The following SEZ6L variants were observed in gnomAD, a reference collection of about 807,000 sequenced individuals.
The protein encoded by SEZ6L is seizure related 6 homolog like.
SEZ6L carries 37 observed loss-of-function variants against 106.2 expected under a neutral mutation model. The observed-to-expected ratio is 0.35, with a 90% CI of 0.27 to 0.46. The LOEUF (loss-of-function observed/expected upper bound fraction) is 0.46, where lower values mean the gene tolerates loss of function less well. Ranked by LOEUF, SEZ6L falls within the 20% of genes least tolerant of loss-of-function variation. The pLI is 1.00. For missense variants in SEZ6L, 1,172 were observed against 1,332.8 expected, an observed-to-expected ratio of 0.88 and a Z score of 1.88; for synonymous variants, 541 against 570.4, an observed-to-expected ratio of 0.95 and a Z score of 0.73.
intron 13 of SEZ6L, among the ~76,000 whole-genome samples, chr22:26,367,719 GGGTTA>G (rs2083869250): frequency 6.6e-6 from 1 of 152,090 alleles, no homozygotes; most frequent in Non-Finnish European, 1.5e-5. Context: ...TAGTTCCCAT[GGGTTA>G]GGAGTGTTCC....
At chr22:26,275,230 A>T (rs1322056622) in intron 1 of SEZ6L, among the ~76,000 whole-genome samples, 1 of 152,180 alleles carries the variant, frequency 6.6e-6, no homozygotes, top group Non-Finnish European at 1.5e-5. Flanking sequence ...CAAAAGAGAT[A>T]CGTATTCAGT....
At chr22:26,188,614 T>C (rs1039939594) in intron 1 of SEZ6L, among the ~76,000 whole-genome samples, 2 of 152,238 alleles carry the variant, frequency 1.3e-5, no homozygotes, top group African/African-American at 2.4e-5. Context: ...TCCCATGTAC[T>C]GAGCGGGTAC....
intron 10 of SEZ6L, among the ~76,000 whole-genome samples, chr22:26,344,546 G>C (rs147619684): frequency 7.2e-5 from 11 of 152,328 alleles, no homozygotes; most frequent in Admixed American, 5.2e-4. Flanking sequence ...TGCTTGATTA[G>C]AGATGTCTGC....
chr22:26,298,387 A>G (rs1467140698), intron 4 of SEZ6L, among the ~76,000 whole-genome samples: 2 of 152,150 alleles, frequency 1.3e-5, no homozygotes, highest in Non-Finnish European at 2.9e-5. Context: ...CCATCTACTG[A>G]CTGCGAAGGA....
chr22:26,259,595 C>A (rs1181612975), intron 1 of SEZ6L, among the ~76,000 whole-genome samples: 1 of 152,194 alleles, frequency 6.6e-6, no homozygotes, highest in Non-Finnish European at 1.5e-5. Context: ...GGAGACTCAA[C>A]TTAGAGAGAT....
rs527870845 is a variant in SEZ6L, at chr22:26,328,542, G to A, written c.2016-11894G>A. Among the ~76,000 whole-genome samples the A allele has an allele frequency of 1.8e-3, 272 of 152,258 alleles. 2 individuals carry two copies. Among genetic ancestry groups the A allele is most frequent in the African/African-American group, 6.3e-3 (263 of 41,516 alleles). ...GACAGCCGTCTTTGTAGGCAAAGCA[G>A]CCGGGGAGCTGTTGGGTTTTCCTGG... On this transcript the variant is annotated intron_variant, in intron 9 of 16. Transcript: ENST00000248933.
intron 9 of SEZ6L, among the ~76,000 whole-genome samples, chr22:26,318,636 A>C (rs935302303): frequency 7.2e-5 from 11 of 152,166 alleles, no homozygotes; most frequent in African/African-American, 2.7e-4. Context: ...TAATCCCATG[A>C]AGTAGTTGCA....
chr22:26,303,608 A>G (rs936103885), intron 5 of SEZ6L, among the ~76,000 whole-genome samples: 1 of 152,224 alleles, frequency 6.6e-6, no homozygotes, highest in African/African-American at 2.4e-5. Context: ...GAAGTGGCGT[A>G]ATACCTTTGA....
chr22:26,179,219 T>A (rs922832488), intron 1 of SEZ6L, among the ~76,000 whole-genome samples: 4 of 152,078 alleles, frequency 2.6e-5, no homozygotes, highest in African/African-American at 9.7e-5. Flanking sequence ...CAAAACCCCA[T>A]CTGTACAAAA....
chr22:26,225,265 T>G (rs1042378519), intron 1 of SEZ6L, among the ~76,000 whole-genome samples: 18 of 152,204 alleles, frequency 1.2e-4, no homozygotes, highest in Admixed American at 2.6e-4. Context: ...TCATCACTGG[T>G]CAGGAAGCCA....
At chr22:26,258,901 G>C (rs1399619114) in intron 1 of SEZ6L, among the ~76,000 whole-genome samples, 2 of 152,184 alleles carry the variant, frequency 1.3e-5, no homozygotes, top group African/African-American at 4.8e-5. Context: ...GGTCCTATTA[G>C]AATTTTAGAA....
chr22:26,314,496 A>G (rs1488981019), intron 9 of SEZ6L, among the ~76,000 whole-genome samples: 2 of 152,236 alleles, frequency 1.3e-5, no homozygotes, highest in African/African-American at 4.8e-5. Flanking sequence ...CAACTAGACC[A>G]GAAGGTCCTC....
At position 26,299,028 on chromosome 22, in the gene SEZ6L, G is replaced by A; in HGVS notation, c.1207G>A (p.Asp403Asn). The stretch of plus-strand genomic sequence containing the variant: ...CTTTCCCCGCCGGCCTGACTCTGGG[G>A]ATGTCACGGTGATGGACCTGCACTC... ...CNFPRRPDSG[D>N]VTVMDLHSGG... The change falls in exon 5 of 17, where the codon GAT (aspartate) becomes AAT (asparagine). Residue 403 changes from aspartate (D) to asparagine (N), a missense_variant. Around this residue, in one of 4 missense-constraint regions of SEZ6L, gnomAD observed 534 missense variants for 691.0 expected, o/e 0.77. Transcript: ENST00000248933. 14 of 1,602,588 alleles carry A rather than the reference G, an allele frequency of 8.7e-6. No homozygotes were observed. Among genetic ancestry groups the A allele is most frequent in the Non-Finnish European group, 1.1e-5 (13 of 1,174,728 alleles).
intron 1 of SEZ6L, among the ~76,000 whole-genome samples, chr22:26,266,504 C>A (rs1253066455): frequency 4.0e-5 from 6 of 151,216 alleles, no homozygotes; most frequent in Non-Finnish European, 7.4e-5. Context: ...ACCCGGGAGA[C>A]GGAGCTTGCA....
chr22:26,190,959 C>T (rs549404339), intron 1 of SEZ6L, among the ~76,000 whole-genome samples: 1 of 152,284 alleles, frequency 6.6e-6, no homozygotes, highest in South Asian at 2.1e-4. Flanking sequence ...TGCATCCAGA[C>T]CCAACACTGC....
intron 12 of SEZ6L, among the ~76,000 whole-genome samples, chr22:26,354,910 G>A (rs1284758655): frequency 6.6e-6 from 1 of 152,210 alleles, no homozygotes; most frequent in African/African-American, 2.4e-5. Context: ...ACTCCCAAAA[G>A]CCTGAAGAAG....
chr22:26,325,103 G>C (rs564411000), intron 9 of SEZ6L, among the ~76,000 whole-genome samples: 1 of 152,168 alleles, frequency 6.6e-6, no homozygotes, highest in Admixed American at 6.5e-5. Flanking sequence ...GCTTGGGCTT[G>C]TTCCCATGGT....
chr22:26,340,904 T>C (rs189376621), intron 10 of SEZ6L, among the ~76,000 whole-genome samples: 1 of 151,894 alleles, frequency 6.6e-6, no homozygotes, highest in East Asian at 1.9e-4. Flanking sequence ...GGCATAGTGA[T>C]ACCTATTCCA....
intron 9 of SEZ6L, among the ~76,000 whole-genome samples, chr22:26,339,647 A>G (rs2082761552): frequency 6.6e-6 from 1 of 152,222 alleles, no homozygotes; most frequent in African/African-American, 2.4e-5. Context: ...CTTAAACATA[A>G]TGGATCATTC....
Sources: gnomAD v4.1 joint callset for allele counts (sites outside exome capture counted in the v4.1 genomes callset) on GRCh38, gnomAD v4.1.1 for gene constraint, gnomAD v4.1.1 regional missense constraint, MANE v1.5 for transcripts, NCBI Gene and HGNC (gene_info 2026-07-23, HGNC 2026-07-21) for gene names.